Variants in SKAP1 observed in about 807,000 individuals in gnomAD.
SKAP1 encodes src kinase-associated phosphoprotein 1.
A neutral mutation model predicts 58.5 loss-of-function variants in SKAP1; 44 were observed. The observed-to-expected ratio is 0.75, with a 90% CI of 0.59 to 0.97. SKAP1 has a LOEUF of 0.97. Ranked by LOEUF, SKAP1 falls within the 50% of genes least tolerant of loss-of-function variation. The pLI, the probability that SKAP1 is intolerant of heterozygous loss-of-function variation, is 0.00. For synonymous variants in SKAP1, 127 were observed against 149.7 expected (o/e 0.85, Z 1.11); for missense variants, 390 against 435.2 (o/e 0.90, Z 0.92).
At chr17:48,188,045 G>A (rs778044809) in intron 5 of SKAP1, 119 bp from the exon 6 acceptor site, 1 of 717,122 alleles carries the variant, frequency 1.4e-6, no homozygotes, top group African/African-American at 1.8e-5. Flanking sequence ...TTAATGGACT[G>A]TAAAACCCTC....
chr17:48,205,015 T>TTTC (rs2064787599), intron 4 of SKAP1, among the ~76,000 whole-genome samples: 2 of 55,744 alleles, frequency 3.6e-5, no homozygotes, highest in African/African-American at 1.5e-4. Flanking sequence ...CTTTCTTTCT[T>TTTC]TTTCTTTCTT....
At chr17:48,223,831 G>A (rs772643647) in intron 4 of SKAP1, among the ~76,000 whole-genome samples, 5 of 152,002 alleles carry the variant, frequency 3.3e-5, no homozygotes, top group African/African-American at 1.2e-4. Context: ...AGATGTGCAC[G>A]GCACTGTATG....
intron 4 of SKAP1, among the ~76,000 whole-genome samples, chr17:48,228,563 G>A (rs1472906907): frequency 6.6e-6 from 1 of 152,206 alleles, no homozygotes; most frequent in Non-Finnish European, 1.5e-5. Flanking sequence ...TGTTAGAACT[G>A]AGGAAATAGC....
intron 4 of SKAP1, among the ~76,000 whole-genome samples, chr17:48,230,574 G>A (rs561663804): frequency 6.6e-6 from 1 of 152,150 alleles, no homozygotes; most frequent in East Asian, 1.9e-4. Context: ...GGGCAACATG[G>A]CAAAACCCTG....
chr17:48,315,892 CA>C (rs2066280166), intron 4 of SKAP1, among the ~76,000 whole-genome samples: 1 of 152,038 alleles, frequency 6.6e-6, no homozygotes, highest in Admixed American at 6.6e-5. Context: ...ATCCCATCCC[CA>C]AGATATTTCT....
intron 2 of SKAP1, among the ~76,000 whole-genome samples, chr17:48,373,143 T>A (rs926393473): frequency 3.9e-5 from 6 of 152,144 alleles, no homozygotes; most frequent in African/African-American, 1.2e-4. Context: ...TTTAACTGAC[T>A]CACACTTCCA....
At chr17:48,365,863 C>T (rs897804060) in intron 2 of SKAP1, among the ~76,000 whole-genome samples, 12 of 149,052 alleles carry the variant, frequency 8.1e-5, no homozygotes, top group East Asian at 4.0e-4. Flanking sequence ...GGAGAGAATA[C>T]ATTCATGGGT....
At chr17:48,438,788 T>G in the SKAP1 span, among the ~76,000 whole-genome samples, 1 of 152,160 alleles carries the variant, frequency 6.6e-6, no homozygotes, top group Non-Finnish European at 1.5e-5. Flanking sequence ...CCTAGGAGTC[T>G]GTAGTCCCTT....
chr17:48,143,889 C>T (rs1419166835), intron 11 of SKAP1, among the ~76,000 whole-genome samples: 3 of 152,094 alleles, frequency 2.0e-5, no homozygotes, highest in African/African-American at 7.2e-5. Flanking sequence ...AGTCGTAATG[C>T]CAGGAGTAGG....
chr17:48,280,684 A>G (rs1433697701), intron 4 of SKAP1, among the ~76,000 whole-genome samples: 1 of 152,178 alleles, frequency 6.6e-6, no homozygotes, highest in African/African-American at 2.4e-5. Flanking sequence ...CACTCTTTCT[A>G]TCACTGGCCT....
At chr17:48,227,810 T>C (rs2143764878) in intron 4 of SKAP1, among the ~76,000 whole-genome samples, 1 of 152,344 alleles carries the variant, frequency 6.6e-6, no homozygotes, top group South Asian at 2.1e-4. Context: ...CCTTACCAGC[T>C]GTGAGACTTC....
intron 4 of SKAP1, among the ~76,000 whole-genome samples, chr17:48,300,971 T>C (rs1476852644): frequency 3.9e-5 from 6 of 152,322 alleles, no homozygotes; most frequent in African/African-American, 1.2e-4. Context: ...GATTCTTGTA[T>C]AGTATTGACT....
intron 10 of SKAP1, among the ~76,000 whole-genome samples, chr17:48,169,155 T>C (rs1353852625): frequency 2.6e-5 from 4 of 151,876 alleles, no homozygotes; most frequent in African/African-American, 9.7e-5. Flanking sequence ...TAGGAACAGT[T>C]AAGAAATAAA....
intron 4 of SKAP1, among the ~76,000 whole-genome samples, chr17:48,253,966 A>C (rs1004549780): frequency 7.2e-5 from 11 of 152,290 alleles, no homozygotes; most frequent in African/African-American, 2.4e-4. Flanking sequence ...CTTCAGAAAA[A>C]AATAAGAAAA....
intron 4 of SKAP1, among the ~76,000 whole-genome samples, chr17:48,240,031 G>C (rs1348592540): frequency 6.6e-6 from 1 of 152,180 alleles, no homozygotes; most frequent in Non-Finnish European, 1.5e-5. Flanking sequence ...GATTCAGTTA[G>C]TAAAATGTTT....
chr17:48,411,398 C>CAAATAAATAAATAAATAAATAAATAAAT (rs55868728), intron 1 of SKAP1, among the ~76,000 whole-genome samples: 9 of 147,294 alleles, frequency 6.1e-5, no homozygotes, highest in East Asian at 6.1e-4. Flanking sequence ...GATTCCATCT[C>CAAATAAATAAATAAATAAATAAATAAAT]AAATAAATAA....
At chr17:48,174,579 G>A (rs1294264788) in intron 9 of SKAP1, among the ~76,000 whole-genome samples, 2 of 152,122 alleles carry the variant, frequency 1.3e-5, no homozygotes, top group Non-Finnish European at 2.9e-5. Flanking sequence ...AAGAAGGGGT[G>A]GGTTAAATAG....
chr17:48,222,069 C>T (rs1258033376), intron 4 of SKAP1, among the ~76,000 whole-genome samples: 3 of 152,076 alleles, frequency 2.0e-5, no homozygotes, highest in African/African-American at 7.2e-5. Flanking sequence ...GTTGGTGGTG[C>T]CAGAAATGTC....
intron 4 of SKAP1, among the ~76,000 whole-genome samples, chr17:48,284,357 A>C (rs1048519005): frequency 2.6e-4 from 39 of 152,248 alleles, no homozygotes; most frequent in African/African-American, 9.2e-4. Context: ...CAGACCACTC[A>C]TGAGTAGTTA....
Sources: gnomAD v4.1 joint callset for allele counts (sites outside exome capture counted in the v4.1 genomes callset) on GRCh38, gnomAD v4.1.1 for gene constraint, MANE v1.5 for transcripts, NCBI Gene and HGNC (gene_info 2026-07-23, HGNC 2026-07-21) for gene names.